Variants in CFAP69 observed in about 807,000 individuals in gnomAD.
CFAP69 encodes cilia and flagella associated protein 69, also known as cilia- and flagella-associated protein 69.
A neutral mutation model predicts 123.0 loss-of-function variants in CFAP69; 92 were observed. The ratio of observed to expected loss-of-function variants is 0.75; its 90% CI spans 0.63 to 0.89. CFAP69 has a LOEUF of 0.89. CFAP69 is among the 40% of genes least tolerant of loss of function. The pLI, the probability that CFAP69 is intolerant of heterozygous loss-of-function variation, is 0.00. For synonymous variants in CFAP69, 380 were observed against 364.3 expected, an observed-to-expected ratio of 1.04 and a Z score of -0.49; for missense variants, 1,067 against 1,096.9, an observed-to-expected ratio of 0.97 and a Z score of 0.39.
At chr7:90,254,276 C>T (rs1170171528) in intron 1 of CFAP69, among the ~76,000 whole-genome samples, 1 of 152,126 alleles carries the variant, frequency 6.6e-6, no homozygotes, top group Non-Finnish European at 1.5e-5. Context: ...AGTGTGGTGC[C>T]TCCAGGTCTT....
chr7:90,280,259 A>G (rs1257684626), intron 12 of CFAP69, among the ~76,000 whole-genome samples: 1 of 152,190 alleles, frequency 6.6e-6, no homozygotes, highest in Non-Finnish European at 1.5e-5. Flanking sequence ...GTGCAATGGC[A>G]TGCTCATGGC....
intron 2 of CFAP69, among the ~76,000 whole-genome samples, chr7:90,256,962 G>A (rs1797723172): frequency 6.6e-6 from 1 of 152,174 alleles, no homozygotes; most frequent in African/African-American, 2.4e-5. Context: ...ACAGAACACT[G>A]AGCATATTTT....
At chr7:90,257,151 G>A (rs1173519873) in intron 2 of CFAP69, among the ~76,000 whole-genome samples, 1 of 152,110 alleles carries the variant, frequency 6.6e-6, no homozygotes, top group Non-Finnish European at 1.5e-5. Flanking sequence ...AATTAATGAA[G>A]TGATATGTAT....
chr7:90,272,439 C>T (rs17863058), intron 8 of CFAP69, among the ~76,000 whole-genome samples: 21,791 of 152,034 alleles, frequency 0.14, 1,931 homozygotes, highest in Middle Eastern at 0.19. Flanking sequence ...GTGGAATTTA[C>T]ATTGTGCTAG....
At chr7:90,262,638 G>A (rs1798489182) in intron 4 of CFAP69, among the ~76,000 whole-genome samples, 2 of 152,110 alleles carry the variant, frequency 1.3e-5, no homozygotes, top group South Asian at 4.2e-4. Context: ...GCCACATAGT[G>A]GCTAATCTAG....
intron 9 of CFAP69, chr7:90,276,136 A>T (rs1375166340): frequency 6.6e-6 from 1 of 152,228 alleles, no homozygotes; most frequent in Non-Finnish European, 1.5e-5. Context: ...TGGCAACAAT[A>T]TTCACAAGTC....
At chr7:90,258,056 A>G (rs2116683092) in intron 2 of CFAP69, 42 bp from the exon 3 acceptor site, 1 of 1,449,524 alleles carries the variant, frequency 6.9e-7, no homozygotes, top group Non-Finnish European at 9.6e-7. Context: ...ATCTCAACAG[A>G]TTTAAAAGCA....
At chr7:90,304,154 C>A in intron 18 of CFAP69, 48 bp downstream of exon 18, 2 of 1,478,312 alleles carry the variant, frequency 1.4e-6, no homozygotes, top group East Asian at 2.6e-5. Context: ...GCTAAGTATA[C>A]ACACTGATTT....
At chr7:90,264,091 G>GAAAAAAAAAA (rs1165222104) in intron 4 of CFAP69, among the ~76,000 whole-genome samples, 7 of 17,990 alleles carry the variant, frequency 3.9e-4, no homozygotes, top group African/African-American at 1.8e-3. Context: ...ACTCCATCTC[G>GAAAAAAAAAA]AAAAAAAAAA....
the CFAP69 span, among the ~76,000 whole-genome samples, chr7:90,321,486 T>C: frequency 1.3e-5 from 2 of 152,210 alleles, no homozygotes; most frequent in Admixed American, 1.3e-4. Context: ...CTCCTCCGAC[T>C]TTCTTGCTAT....
intron 3 of CFAP69, among the ~76,000 whole-genome samples, chr7:90,259,242 G>T (rs1288893671): frequency 6.6e-6 from 1 of 151,856 alleles, no homozygotes. Context: ...CCAAGACCCT[G>T]CCTCTACAAA....
the CFAP69 span, among the ~76,000 whole-genome samples, chr7:90,316,183 A>C: frequency 6.6e-6 from 1 of 152,218 alleles, no homozygotes; most frequent in South Asian, 2.1e-4. Context: ...TTATGAAGAA[A>C]TATTTGTGGG....
intron 15 of CFAP69, among the ~76,000 whole-genome samples, chr7:90,288,732 G>A (rs1790668621): frequency 6.6e-6 from 1 of 152,170 alleles, no homozygotes. Context: ...GTTGCTGTGA[G>A]TGAGTCAGTG....
chr7:90,285,744 A>C (rs1790178074), intron 13 of CFAP69, among the ~76,000 whole-genome samples: 1 of 152,226 alleles, frequency 6.6e-6, no homozygotes, highest in Non-Finnish European at 1.5e-5. Flanking sequence ...ATATTTGCAA[A>C]GGCACTCATT....
At chr7:90,307,667 A>G in intron 20 of CFAP69, 101 bp from the exon 21 acceptor site, 1 of 641,962 alleles carries the variant, frequency 1.6e-6, no homozygotes, top group Non-Finnish European at 2.6e-6. Flanking sequence ...GATACTTGAG[A>G]CATGCCACTG....
chr7:90,251,671 A>C (rs962179880), intron 1 of CFAP69, among the ~76,000 whole-genome samples: 3 of 103,098 alleles, frequency 2.9e-5, no homozygotes, highest in Admixed American at 9.1e-5. Context: ...TTCCTGAAAC[A>C]AAAAAAACCT....
chr7:90,310,045 A>AT, intron 22 of CFAP69, 23 bp from the exon 23 acceptor site: 1 of 1,589,608 alleles, frequency 6.3e-7, no homozygotes, highest in Non-Finnish European at 8.6e-7. Context: ...GGACTTTTAG[A>AT]TATTTACCTT....
At chr7:90,293,072 G>A (rs1791443017) in intron 15 of CFAP69, among the ~76,000 whole-genome samples, 2 of 152,148 alleles carry the variant, frequency 1.3e-5, no homozygotes, top group South Asian at 4.1e-4. Context: ...AACTATTAGT[G>A]ACCTATACTA....
In CFAP69 at chr7:90,248,210, G is replaced by C. The variant is rs189958950; in HGVS notation, c.120+2666G>C. Among the ~76,000 whole-genome samples, 29 of 152,264 alleles carry C rather than the reference G, an allele frequency of 1.9e-4. No homozygotes were observed. The East Asian group carries it at 4.6e-3, about 24-fold the overall frequency. On this transcript the variant is annotated intron_variant, in intron 1 of 22. Transcript: ENST00000389297. ...TATAGAAATGCTACTTTGGCTACCT[G>C]GGCTTTTGATAGCTGTTTTATATCA...
Sources: gnomAD v4.1 joint callset for allele counts (sites outside exome capture counted in the v4.1 genomes callset) on GRCh38, gnomAD v4.1.1 for gene constraint, MANE v1.5 for transcripts, NCBI Gene and HGNC (gene_info 2026-07-23, HGNC 2026-07-21) for gene names.